Variants in COG3 observed in about 807,000 individuals in gnomAD.
COG3 encodes the protein component of oligomeric golgi complex 3, also known as conserved oligomeric Golgi complex subunit 3.
In COG3, 32 loss-of-function variants were observed where a neutral mutation model predicts 114.1. The ratio of observed to expected loss-of-function variants is 0.28; its 90% confidence interval spans 0.21 to 0.38. COG3 has a LOEUF of 0.38. COG3 is among the 10% of genes least tolerant of loss of function. The probability of loss-of-function intolerance (pLI) is 1.00; values close to 1 mark genes in which losing one functional copy is unlikely to be tolerated. For missense variants in COG3, 813 were observed against 973.2 expected, an observed-to-expected ratio of 0.84 and a Z score of 2.19; for synonymous variants, 352 against 365.7, an observed-to-expected ratio of 0.96 and a Z score of 0.43.
chr13:45,490,533 A>G (rs545985003), intron 8 of COG3, among the ~76,000 whole-genome samples: 8 of 152,226 alleles, frequency 5.3e-5, no homozygotes, highest in Non-Finnish European at 7.4e-5. Flanking sequence ...CATGCTTACA[A>G]TGATTCATTG....
intron 8 of COG3, among the ~76,000 whole-genome samples, chr13:45,490,626 A>C (rs1187369765): frequency 2.0e-5 from 3 of 152,106 alleles, no homozygotes; most frequent in Non-Finnish European, 4.4e-5. Context: ...TCATAGGAAA[A>C]TGTTTATGAA....
chr13:45,530,866 T>G, intron 22 of COG3, 86 bp downstream of exon 22: 3 of 1,409,490 alleles, frequency 2.1e-6, no homozygotes, highest in Non-Finnish European at 2.8e-6. Context: ...GCAAACATAT[T>G]TTTAGTATTA....
intron 2 of COG3, among the ~76,000 whole-genome samples, chr13:45,476,726 T>C (rs1403553565): frequency 2.6e-5 from 4 of 152,130 alleles, no homozygotes; most frequent in African/African-American, 9.7e-5. Context: ...AACCCAAATA[T>C]TCTTTTTATA....
intron 1 of COG3, among the ~76,000 whole-genome samples, chr13:45,468,367 C>T (rs956663905): frequency 3.3e-5 from 5 of 152,258 alleles, no homozygotes; most frequent in African/African-American, 9.6e-5. Context: ...CTTGTGCTTT[C>T]TTTCAAATTA....
chr13:45,523,535 A>G (rs1035892234), intron 19 of COG3, among the ~76,000 whole-genome samples: 3 of 152,212 alleles, frequency 2.0e-5, no homozygotes, highest in Middle Eastern at 3.2e-3. Context: ...GATTGGGGAA[A>G]ACTTTTGAAG....
At chr13:45,487,246 AC>A (rs1345442428) in intron 8 of COG3, among the ~76,000 whole-genome samples, 1 of 152,220 alleles carries the variant, frequency 6.6e-6, no homozygotes, top group South Asian at 2.1e-4. Flanking sequence ...AAAAATCAAA[AC>A]AAAATGGATT....
chr13:45,474,151 CTT>C (rs10558884), intron 1 of COG3, among the ~76,000 whole-genome samples: 10 of 82,010 alleles, frequency 1.2e-4, no homozygotes, highest in African/African-American at 4.0e-4. Flanking sequence ...CTTTTTTACT[CTT>C]TTTTTTTTTT....
intron 11 of COG3, among the ~76,000 whole-genome samples, chr13:45,492,675 T>C (rs1208949175): frequency 6.6e-6 from 1 of 152,180 alleles, no homozygotes; most frequent in Non-Finnish European, 1.5e-5. Context: ...CCACTGTTAG[T>C]CACTTTTGGT....
intron 8 of COG3, among the ~76,000 whole-genome samples, chr13:45,490,246 T>A (rs902111276): frequency 9.8e-5 from 15 of 152,314 alleles, no homozygotes; most frequent in Non-Finnish European, 1.5e-4. Flanking sequence ...TTTAGAAGAA[T>A]AGACCAAAAA....
At chr13:45,486,635 G>T in intron 8 of COG3, 60 bp downstream of exon 8, 1 of 965,638 alleles carries the variant, frequency 1.0e-6, no homozygotes, top group Non-Finnish European at 1.7e-6. Context: ...CCCTTTTGAA[G>T]TACTGTTGTA....
chr13:45,508,599 T>C (rs1870506132), intron 14 of COG3, among the ~76,000 whole-genome samples: 1 of 152,142 alleles, frequency 6.6e-6, no homozygotes, highest in African/African-American at 2.4e-5. Flanking sequence ...TAAACCATTA[T>C]TGCACTAAAA....
At chr13:45,490,160 G>A (rs1886933088) in intron 8 of COG3, among the ~76,000 whole-genome samples, 2 of 152,186 alleles carry the variant, frequency 1.3e-5, no homozygotes, top group African/African-American at 4.8e-5. Flanking sequence ...GCAGATTAAG[G>A]TCAGTGCTTC....
chr13:45,528,743 C>A (rs1872910939), intron 20 of COG3, among the ~76,000 whole-genome samples: 1 of 152,174 alleles, frequency 6.6e-6, no homozygotes, highest in African/African-American at 2.4e-5. Context: ...TTGATCCATT[C>A]TATTTATTGG....
At chr13:45,502,841 T>C (rs1363010852) in intron 13 of COG3, among the ~76,000 whole-genome samples, 1 of 152,166 alleles carries the variant, frequency 6.6e-6, no homozygotes, top group Non-Finnish European at 1.5e-5. Flanking sequence ...GCCATTCTTT[T>C]TGACAGTAAC....
intron 2 of COG3, among the ~76,000 whole-genome samples, chr13:45,477,182 G>T (rs956243419): frequency 6.6e-6 from 1 of 152,158 alleles, no homozygotes; most frequent in African/African-American, 2.4e-5. Flanking sequence ...CAAGTACACA[G>T]TAAATGCTCA....
intron 19 of COG3, 75 bp downstream of exon 19, chr13:45,519,169 T>C: frequency 6.6e-7 from 1 of 1,508,976 alleles, no homozygotes; most frequent in Admixed American, 1.8e-5. Flanking sequence ...TACTCTCTTG[T>C]GTAAACTCTG....
intron 9 of COG3, 103 bp from the exon 10 acceptor site, chr13:45,491,309 G>A (rs979304911): frequency 5.9e-6 from 7 of 1,182,732 alleles, no homozygotes; most frequent in African/African-American, 4.6e-5. Flanking sequence ...AGAGGTGACC[G>A]TTATAGCTTT....
In COG3 at chr13:45,489,156, C is replaced by A. The variant is rs1441053238; in HGVS notation, c.925-1759C>A. 3.6e-5 allele frequency among the ~76,000 whole-genome samples: 5 copies of A among 137,090 alleles called. No homozygotes were observed. In the South Asian group the frequency reaches 1.2e-3, roughly 32 times the overall value. The allele number at this position is 137,090 out of a possible 152,430, so 89.9% of individuals were successfully genotyped here. ...GAGCCAAGATAGCACCACTGCACTC[C>A]AGCCTGGGTGACAAAGTGAGACTCT... On this transcript the variant is annotated intron_variant, in intron 8 of 22. Coordinates refer to ENST00000349995, the MANE Select transcript of COG3 (RefSeq NM_031431.4).
chr13:45,479,900 C>T (rs1035819836), intron 3 of COG3, among the ~76,000 whole-genome samples: 1 of 152,184 alleles, frequency 6.6e-6, no homozygotes, highest in Non-Finnish European at 1.5e-5. Flanking sequence ...GGCTTCAAGG[C>T]TAATTCCTTT....
Sources: allele counts gnomAD v4.1 joint callset (sites outside exome capture counted in the v4.1 genomes callset), GRCh38; gene constraint gnomAD v4.1.1; transcripts MANE v1.5; gene names NCBI Gene and HGNC (gene_info 2026-07-23, HGNC 2026-07-21).